CNTNAP2: variants seen among roughly 807,000 people sequenced by gnomAD.
The protein encoded by CNTNAP2 is contactin-associated protein-like 2.
CNTNAP2 carries 98 observed loss-of-function variants against 155.2 expected under a neutral mutation model. The ratio of observed to expected loss-of-function variants is 0.63; its 90% CI spans 0.54 to 0.75. The LOEUF (loss-of-function observed/expected upper bound fraction) is 0.75. Among genes scored for constraint, CNTNAP2 ranks in the 30% least tolerant of loss-of-function variants. CNTNAP2 has a pLI of 0.00. For missense variants in CNTNAP2, 1,727 were observed against 1,688.1 expected (o/e 1.02, Z -0.40); for synonymous variants, 651 against 631.2 (o/e 1.03, Z -0.47).
chr7:146,721,813 T>TAC (rs1376879001), intron 1 of CNTNAP2, among the ~76,000 whole-genome samples: 2 of 125,602 alleles, frequency 1.6e-5, no homozygotes, highest in African/African-American at 7.1e-5. Context: ...ATATATAGTC[T>TAC]ATATATGTAG....
At chr7:147,625,224 T>C (rs953465143) in intron 12 of CNTNAP2, among the ~76,000 whole-genome samples, 1 of 152,152 alleles carries the variant, frequency 6.6e-6, no homozygotes, top group Admixed American at 6.6e-5. Flanking sequence ...AATAACTTAA[T>C]TGTACATTTT....
chr7:147,094,903 G>A (rs1210911647), intron 4 of CNTNAP2, among the ~76,000 whole-genome samples: 3 of 152,142 alleles, frequency 2.0e-5, no homozygotes, highest in African/African-American at 7.2e-5. Context: ...TGTCTGAGAA[G>A]TCCAAAATCT....
chr7:146,752,087 C>T (rs1014243436), intron 1 of CNTNAP2, among the ~76,000 whole-genome samples: 43 of 152,156 alleles, frequency 2.8e-4, no homozygotes, highest in African/African-American at 9.9e-4. Flanking sequence ...AATAAACATA[C>T]GTGTGCATGT....
At chr7:146,767,430 C>T (rs368199967) in intron 1 of CNTNAP2, among the ~76,000 whole-genome samples, 22 of 152,046 alleles carry the variant, frequency 1.4e-4, no homozygotes, top group African/African-American at 3.1e-4. Flanking sequence ...ATATCTGTTA[C>T]GTTAAATGTT....
chr7:146,323,107 C>T (rs576798617), intron 1 of CNTNAP2, among the ~76,000 whole-genome samples: 3 of 151,984 alleles, frequency 2.0e-5, no homozygotes, highest in South Asian at 2.1e-4. Flanking sequence ...TTGGAAATGC[C>T]GTGTAAGAAG....
intron 3 of CNTNAP2, among the ~76,000 whole-genome samples, chr7:146,861,239 G>T (rs1345918319): frequency 1.3e-5 from 2 of 152,018 alleles, no homozygotes; most frequent in Non-Finnish European, 2.9e-5. Flanking sequence ...TTTTAGTAGA[G>T]ACAGAGTTTC....
At chr7:146,407,620 C>T (rs549198400) in intron 1 of CNTNAP2, among the ~76,000 whole-genome samples, 36 of 152,230 alleles carry the variant, frequency 2.4e-4, no homozygotes, top group South Asian at 4.1e-4. Flanking sequence ...TAGTCATCAA[C>T]GCAGAAACTT....
rs187139476 is a variant in CNTNAP2, at chr7:147,277,618, A to G, written c.1349-22523A>G. Among the ~76,000 whole-genome samples, 12 of 151,936 alleles carry G rather than the reference A, an allele frequency of 7.9e-5. No individual in the cohort carries two copies. The East Asian group carries it at 1.9e-3, about 25-fold the overall frequency. On this transcript the variant is annotated intron_variant, in intron 8 of 23. Coordinates refer to ENST00000361727, the MANE Select transcript of CNTNAP2 (RefSeq NM_014141.6). The stretch of plus-strand genomic sequence containing the variant: ...ATATTTACCTTAGAAATTTGCACAT[A>G]TACATTATAAGCATATTTGTGGGGA...
intron 21 of CNTNAP2, among the ~76,000 whole-genome samples, chr7:148,279,487 A>C (rs1459657772): frequency 6.6e-6 from 1 of 152,196 alleles, no homozygotes; most frequent in African/African-American, 2.4e-5. Flanking sequence ...TACTACAATG[A>C]GGTACCCTGG....
intron 1 of CNTNAP2, among the ~76,000 whole-genome samples, chr7:146,450,837 G>A (rs1176360016): frequency 2.0e-5 from 3 of 152,038 alleles, no homozygotes; most frequent in African/African-American, 7.2e-5. Flanking sequence ...AATTAAGTAA[G>A]CAATTTTCGG....
rs773258369 is a variant in CNTNAP2, at chr7:148,409,388, C to T, written c.3716-3C>T. Reference sequence around the variant, plus strand: ...TGACACTTGACTCTTTCTTTCTCTACAGCCAGTGCGGATTTTCCATATAAT... The same window carrying T: ...TGACACTTGACTCTTTCTTTCTCTATAGCCAGTGCGGATTTTCCATATAAT... On this transcript the variant is annotated splice_polypyrimidine_tract_variant and splice_region_variant and intron_variant, in intron 22 of 23. Transcript: ENST00000361727. 4.5e-6 allele frequency: 7 copies of T among 1,558,446 alleles called. No homozygotes were observed. In the Admixed American group the frequency reaches 1.2e-4, roughly 27 times the overall value.
chr7:147,667,817 AAATAAAATAAAAAAAT>A (rs1380070084), intron 13 of CNTNAP2, among the ~76,000 whole-genome samples: 2 of 148,884 alleles, frequency 1.3e-5, no homozygotes, highest in Admixed American at 6.6e-5. Context: ...ATAATAAAAA[AAATAAAATAAAAAAAT>A]AAAAGATACC....
At chr7:147,497,049 A>G (rs576151150) in intron 11 of CNTNAP2, 36 of 152,306 alleles carry the variant, frequency 2.4e-4, no homozygotes, top group African/African-American at 7.9e-4. Context: ...AGCCGTTTCC[A>G]AGAAAATTTT....
At chr7:148,224,213 A>G (rs2116769107) in intron 19 of CNTNAP2, among the ~76,000 whole-genome samples, 1 of 152,336 alleles carries the variant, frequency 6.6e-6, no homozygotes, top group East Asian at 1.9e-4. Context: ...GAAATAAGGC[A>G]GAGAGTAAAA....
intron 8 of CNTNAP2, among the ~76,000 whole-genome samples, chr7:147,298,999 C>T (rs934287730): frequency 5.3e-5 from 8 of 152,172 alleles, no homozygotes; most frequent in African/African-American, 1.9e-4. Flanking sequence ...GATTTGCTCT[C>T]ATTCTATTTT....
intron 13 of CNTNAP2, among the ~76,000 whole-genome samples, chr7:147,818,098 T>C (rs1365134563): frequency 6.6e-6 from 1 of 152,142 alleles, no homozygotes; most frequent in African/African-American, 2.4e-5. Context: ...ACTGTATATC[T>C]TAAAACCATT....
chr7:148,203,726 G>A (rs1290386291), intron 18 of CNTNAP2, among the ~76,000 whole-genome samples: 5 of 151,792 alleles, frequency 3.3e-5, no homozygotes, highest in East Asian at 3.9e-4. Flanking sequence ...GTGGCCCAGC[G>A]AGAGTACATC....
chr7:146,259,672 G>A (rs1367691258), intron 1 of CNTNAP2, among the ~76,000 whole-genome samples: 1 of 152,116 alleles, frequency 6.6e-6, no homozygotes, highest in African/African-American at 2.4e-5. Context: ...GACGTGACCT[G>A]GCTGAGTCTG....
chr7:146,186,304 C>A (rs1437672696), intron 1 of CNTNAP2, among the ~76,000 whole-genome samples: 2 of 152,084 alleles, frequency 1.3e-5, no homozygotes, highest in African/African-American at 4.8e-5. Context: ...ACAGCAGCAA[C>A]AAAAGCAACA....
Sources: allele counts gnomAD v4.1 joint callset (sites outside exome capture counted in the v4.1 genomes callset), GRCh38; gene constraint gnomAD v4.1.1; transcripts MANE v1.5; gene names NCBI Gene and HGNC (gene_info 2026-07-23, HGNC 2026-07-21).